The following QRICH2 variants were observed in gnomAD, a reference collection of about 807,000 sequenced individuals.
The protein encoded by QRICH2 is glutamine-rich protein 2.
QRICH2 carries 119 observed loss-of-function variants against 168.3 expected under a neutral mutation model. The ratio of observed to expected loss-of-function variants is 0.71; its 90% CI spans 0.61 to 0.82. The LOEUF (loss-of-function observed/expected upper bound fraction) is 0.82. QRICH2 is among the 40% of genes least tolerant of loss of function. QRICH2 has a pLI of 0.00. For missense variants in QRICH2, 2,241 were observed against 2,491.6 expected (o/e 0.90, Z 2.14); for synonymous variants, 894 against 951.2 (o/e 0.94, Z 1.11).
intron 2 of QRICH2, 66 bp downstream of exon 2, chr17:76,304,816 G>A: frequency 8.8e-7 from 1 of 1,136,744 alleles, no homozygotes; most frequent in Non-Finnish European, 1.3e-6. Context: ...GCCCTGGAGA[G>A]AGGGCCACAC....
intron 3 of QRICH2, among the ~76,000 whole-genome samples, chr17:76,302,025 A>G (rs962784806): frequency 6.6e-6 from 1 of 151,890 alleles, no homozygotes; most frequent in Non-Finnish European, 1.5e-5. Context: ...CAGCCTCCCA[A>G]GTGCTTGGGA....
upstream of QRICH2, among the ~76,000 whole-genome samples, chr17:76,309,212 C>A (rs557562856): frequency 1.3e-5 from 2 of 150,106 alleles, no homozygotes; most frequent in East Asian, 4.0e-4. Flanking sequence ...AAAAATTAGC[C>A]GGGCATGGTA....
At chr17:76,283,226 C>G (rs1377092307) in intron 7 of QRICH2, among the ~76,000 whole-genome samples, 1 of 152,196 alleles carries the variant, frequency 6.6e-6, no homozygotes, top group Non-Finnish European at 1.5e-5. Flanking sequence ...GAGGAAGAGG[C>G]CTCCTAGAAA....
intron 2 of QRICH2, 32 bp downstream of exon 2, chr17:76,304,850 G>A (rs79767228): frequency 0.026 from 38,835 of 1,512,244 alleles, 634 homozygotes; most frequent in Non-Finnish European, 0.032. Flanking sequence ...GCCCCCTGGA[G>A]AGCCCTTTCC....
In QRICH2 at chr17:76,280,887, T is replaced by C. The variant is rs773907706; in HGVS notation, c.4330A>G (p.Asn1444Asp). The stretch of plus-strand genomic sequence containing the variant: ...TCGATGAGGTTGCTGGTGGTGATGT[T>C]GAGCTTCTCGCAGTCACCCTGCACC... ...LQVQGDCEKL[N>D]ITTSNLIEDH... Residue 1444 changes from asparagine (N) to aspartate (D), a missense_variant, in exon 9 of 19, where the codon AAC (asparagine) becomes GAC (aspartate). Around this residue, in one of 3 missense-constraint regions of QRICH2, gnomAD observed 2,047 missense variants for 2,303.8 expected, o/e 0.89. Transcript: ENST00000680821. The surrounding 1 kb of genome is among the most constrained non-coding windows in gnomAD (Gnocchi z 7.4). The C allele has an allele frequency of 6.2e-7, 1 of 1,613,464 alleles. No homozygotes were observed. The highest frequency in any genetic ancestry group is 8.5e-7 in the Non-Finnish European group (1 of 1,180,002).
chr17:76,306,496 A>G (rs1477251614), intron 1 of QRICH2, among the ~76,000 whole-genome samples: 3 of 152,232 alleles, frequency 2.0e-5, no homozygotes, highest in Non-Finnish European at 2.9e-5. Context: ...GCACGTGTCT[A>G]TTACCTCCTG....
intron 7 of QRICH2, among the ~76,000 whole-genome samples, chr17:76,282,991 A>C (rs901422995): frequency 1.3e-5 from 2 of 152,190 alleles, no homozygotes; most frequent in African/African-American, 4.8e-5. Flanking sequence ...ACAGGTACCC[A>C]CAAAAGCAGA....
intron 3 of QRICH2, among the ~76,000 whole-genome samples, chr17:76,295,957 G>A (rs1285099087): frequency 6.6e-6 from 1 of 152,214 alleles, no homozygotes; most frequent in Non-Finnish European, 1.5e-5. Context: ...GGGCGCAGTG[G>A]CTCACGCCTG....
chr17:76,274,236 C>T lies in QRICH2; in HGVS notation c.5507G>A (p.Arg1836Lys). ...TSVSSRQQKDRPSSEGRLSQP... is the reference protein window; with the variant it reads ...TSVSSRQQKDKPSSEGRLSQP... ...GGAGAGACGGCCCTCGGAGGAAGGT[C>T]TATCTTTCTGTTGACGAGAAGAAAC... The change falls in exon 19 of 19, where the codon AGA becomes AAA. Residue 1836 changes from arginine to lysine, a missense_variant. By Grantham distance (26) the Arg-to-Lys change is conservative (BLOSUM62 2). Around this residue, in one of 3 missense-constraint regions of QRICH2, gnomAD observed 189 missense variants for 169.3 expected, o/e 1.12. Coordinates refer to ENST00000680821, the MANE Select transcript of QRICH2 (RefSeq NM_001388453.1). 1.3e-6 allele frequency: 2 copies of T among 1,593,952 alleles called. No individual in the cohort carries two copies. The highest frequency in any genetic ancestry group is 1.7e-6 in the Non-Finnish European group (2 of 1,173,078).
intron 7 of QRICH2, among the ~76,000 whole-genome samples, chr17:76,284,967 T>C (rs2070855394): frequency 6.6e-6 from 1 of 151,858 alleles, no homozygotes; most frequent in African/African-American, 2.4e-5. Flanking sequence ...TAATTTTTTT[T>C]TTTTTTTGAG....
At position 76,274,206 on chromosome 17, in the gene QRICH2, G is replaced by A. The variant is rs772087917; in HGVS notation, c.5537C>T (p.Pro1846Leu). 1.9e-6 allele frequency: 3 copies of A among 1,596,548 alleles called. No homozygotes were observed. The highest frequency in any genetic ancestry group is 1.1e-5 in the South Asian group (1 of 88,716). The part of the protein sequence containing the change: ...RPSSEGRLSQ[P>L]NTAHPPSSAA... Reference sequence around the variant, plus strand: ...GGAGCTGGGCGGGTGGGCTGTGTTCGGCTGGGAGAGACGGCCCTCGGAGGA... The same window carrying A: ...GGAGCTGGGCGGGTGGGCTGTGTTCAGCTGGGAGAGACGGCCCTCGGAGGA... Residue 1846 changes from proline (P) to leucine (L), a missense_variant, in exon 19 of 19, where the codon CCG (proline) becomes CTG (leucine). Physicochemically the swap from Pro to Leu is moderately conservative, Grantham distance 98. This residue lies in a region of QRICH2 where 189 missense variants were observed against 169.3 expected (regional missense o/e 1.12). Transcript: ENST00000680821.
rs1206023055 is a variant in QRICH2 at position 76,307,849 on chromosome 17, G to A, written c.150C>T (p.Phe50=). 7.8e-7 allele frequency: 1 copy of A among 1,280,230 alleles called. No individual in the cohort carries two copies. 79.3% of individuals were successfully genotyped at this position (1,280,230 alleles called of 1,614,324 possible). The part of the protein sequence containing the change: ...NLDLQNTRID[F]QPSSPEPSRS... ...GGCTGGGCTCGGGCGACGAGGGCTGGAAGTCGATCCGGGTATTTTGGAGGT... is the reference window on the plus strand; with the variant it reads ...GGCTGGGCTCGGGCGACGAGGGCTGAAAGTCGATCCGGGTATTTTGGAGGT... Residue 50 remains phenylalanine (F), a synonymous_variant, in exon 1 of 19, where the codon TTC becomes TTT. Coordinates refer to ENST00000680821, the MANE Select transcript of QRICH2 (RefSeq NM_001388453.1). This position sits in a 1 kb window ranked among gnomAD's most constrained non-coding sequence, Gnocchi z 5.3.
rs374274434 is a variant in QRICH2, at chr17:76,302,915, C to T, written c.705+1500G>A. On this transcript the variant is annotated intron_variant, in intron 3 of 18. Transcript: ENST00000680821. ...TTTTTTTTTTGAGATGGAGTTCTTG[C>T]TCTTGTGGCCCAGGCTAGAGTGCAG... Among the ~76,000 whole-genome samples, 8 of 151,634 alleles carry T rather than the reference C, an allele frequency of 5.3e-5. No individual in the cohort carries two copies. The East Asian group carries it at 1.4e-3, about 26-fold the overall frequency.
At chr17:76,277,398 A>G in intron 15 of QRICH2, 88 bp from the exon 16 acceptor site, 1 of 1,460,554 alleles carries the variant, frequency 6.8e-7, no homozygotes, top group Non-Finnish European at 9.4e-7. Context: ...GACCAGAGGG[A>G]AGGGGCACAG....
rs200262079 is a variant in QRICH2 at position 76,291,654 on chromosome 17, G to T, written c.3073C>A (p.Leu1025Ile). 5.6e-6 allele frequency: 9 copies of T among 1,614,062 alleles called. No homozygotes were observed. The highest frequency in any genetic ancestry group is 2.2e-5 in the East Asian group (1 of 44,894). The stretch of plus-strand genomic sequence containing the variant: ...GATGCCAAACCTTGACTGGCTAGGA[G>T]TGGTGACACCTGGCCGTATTGTTCT... ...GREQYGQVSP[L>I]LASQGLASPG... Residue 1025 changes from leucine (L) to isoleucine (I), a missense_variant, in exon 4 of 19, where the codon CTC (leucine) becomes ATC (isoleucine). Transcript: ENST00000680821.
In QRICH2 at chr17:76,287,043, A is replaced by AACACACACAC. The variant is rs56258903; in HGVS notation, c.4011+139_4011+148dup. 5.9e-3 allele frequency: 1,203 copies of AACACACACAC among 202,764 alleles called. 16 individuals carry two copies. Among genetic ancestry groups the AACACACACAC allele is most frequent in the South Asian group, 0.014 (289 of 21,102 alleles). The allele number at this position is 202,764 out of a possible 1,614,324, so 12.6% of individuals were successfully genotyped here. On this transcript the variant is annotated intron_variant, in intron 7 of 18. Coordinates refer to ENST00000680821, the MANE Select transcript of QRICH2 (RefSeq NM_001388453.1). ...CCCACCCCCTGCCCACACACCACATAACACACACACACACACACACACACA... is the reference window on the plus strand; with the variant it reads ...CCCACCCCCTGCCCACACACCACATAACACACACACACACACACACACACACACACACACA...
intron 7 of QRICH2, among the ~76,000 whole-genome samples, chr17:76,285,325 G>A (rs1432068170): frequency 6.6e-6 from 1 of 151,886 alleles, no homozygotes; most frequent in East Asian, 2.0e-4. Context: ...GTAGAGACGG[G>A]GTTTCACCAT....
chr17:76,291,470 T>A lies in QRICH2; in HGVS notation c.3257A>T (p.His1086Leu), dbSNP rs1399862878. Residue 1086 changes from histidine to leucine, a missense_variant, in exon 4 of 19, where the codon CAT (histidine) becomes CTT (leucine). This residue lies in a region of QRICH2 where 2,047 missense variants were observed against 2,303.8 expected (regional missense o/e 0.89). Transcript: ENST00000680821. ...QHVASPGPGE[H>L]DQVYPDAAQH... Reference sequence around the variant, plus strand: ...AGCTGCATCTGGGTATACCTGGTCATGCTCACCTGGGCCAGGTGATGCCAC... The same window carrying A: ...AGCTGCATCTGGGTATACCTGGTCAAGCTCACCTGGGCCAGGTGATGCCAC... 1 of 1,614,038 alleles carries A rather than the reference T, an allele frequency of 6.2e-7. No individual in the cohort carries two copies. The highest frequency in any genetic ancestry group is 1.3e-5 in the African/African-American group (1 of 74,912).
chr17:76,281,116 G>T lies in QRICH2; in HGVS notation c.4264-163C>A, dbSNP rs1191968722. The stretch of plus-strand genomic sequence containing the variant: ...CTGGCACTTTGGGAAGCTGAGGTGA[G>T]GCGAGAGGATCACTTGAGCCCAGGA... On this transcript the variant is annotated intron_variant, in intron 8 of 18. Coordinates refer to ENST00000680821, the MANE Select transcript of QRICH2 (RefSeq NM_001388453.1). This position sits in a 1 kb window ranked among gnomAD's most constrained non-coding sequence, Gnocchi z 4.4. Among the ~76,000 whole-genome samples the T allele has an allele frequency of 6.6e-6, 1 of 152,212 alleles. No individual in the cohort carries two copies.
Sources: gnomAD v4.1 joint callset for allele counts (sites outside exome capture counted in the v4.1 genomes callset) on GRCh38, gnomAD v4.1.1 for gene constraint, gnomAD v4.1.1 regional missense constraint, Gnocchi (gnomAD v3.1) non-coding constraint, MANE v1.5 for transcripts, NCBI Gene and HGNC (gene_info 2026-07-23, HGNC 2026-07-21) for gene names.